The following CHI3L2 variants were observed in gnomAD, a reference collection of about 807,000 sequenced individuals.
The protein encoded by CHI3L2 is chitinase-3-like protein 2.
Under a neutral mutation model 47.3 loss-of-function variants are expected in CHI3L2, and 47 were observed. That is an observed-to-expected ratio of 0.99 (90% CI 0.79 to 1.27). CHI3L2 has a LOEUF of 1.27. Among genes scored for constraint, CHI3L2 ranks in the 50% most tolerant of loss-of-function variants. The pLI, the probability that CHI3L2 is intolerant of heterozygous loss-of-function variation, is 0.00. For synonymous variants in CHI3L2, 198 were observed against 169.9 expected (o/e 1.17, Z -1.28); for missense variants, 497 against 462.1 (o/e 1.08, Z -0.69).
At chr1:111,236,908 G>C (rs985981735) in intron 7 of CHI3L2, among the ~76,000 whole-genome samples, 4 of 152,146 alleles carry the variant, frequency 2.6e-5, no homozygotes, top group Non-Finnish European at 4.4e-5. Context: ...TGATTGGTCA[G>C]GTTGAAGATG....
chr1:111,238,977 G>T, intron 8 of CHI3L2, 45 bp downstream of exon 8: 1 of 1,511,914 alleles, frequency 6.6e-7, no homozygotes, highest in South Asian at 1.3e-5. Context: ...CCATGTCTGG[G>T]TAGATGTTCC....
chr1:111,228,997 C>T (rs1402694295), intron 1 of CHI3L2, among the ~76,000 whole-genome samples: 1 of 152,236 alleles, frequency 6.6e-6, no homozygotes, highest in Non-Finnish European at 1.5e-5. Flanking sequence ...GGCCAGCTCA[C>T]ACTGCTTATC....
chr1:111,236,875 G>A (rs2101552885), intron 7 of CHI3L2, among the ~76,000 whole-genome samples: 1 of 152,286 alleles, frequency 6.6e-6, no homozygotes, highest in Admixed American at 6.5e-5. Flanking sequence ...TTTTGTGGAT[G>A]GGGGACAGAA....
intron 2 of CHI3L2, among the ~76,000 whole-genome samples, chr1:111,230,187 T>C (rs1659673249): frequency 6.6e-6 from 1 of 152,168 alleles, no homozygotes; most frequent in African/African-American, 2.4e-5. Flanking sequence ...CATCCATACA[T>C]ACATACTGAA....
chr1:111,233,030 G>A (rs1247453812), intron 4 of CHI3L2, among the ~76,000 whole-genome samples: 1 of 152,158 alleles, frequency 6.6e-6, no homozygotes, highest in Non-Finnish European at 1.5e-5. Flanking sequence ...GGTGTGGGAG[G>A]TATTGTAAGA....
At chr1:111,235,110 T>G in intron 5 of CHI3L2, 53 bp downstream of exon 5, 1 of 1,576,280 alleles carries the variant, frequency 6.3e-7, no homozygotes, top group African/African-American at 1.3e-5. Context: ...GTGTACTCAG[T>G]ACTCTGATAT....
chr1:111,230,097 T>C (rs1659669824), intron 2 of CHI3L2, among the ~76,000 whole-genome samples: 2 of 152,186 alleles, frequency 1.3e-5, no homozygotes, highest in Middle Eastern at 3.4e-3. Context: ...CCCTCCCCCA[T>C]AGCTGGCCTC....
rs532427903 is a variant in CHI3L2 at position 111,241,375 on chromosome 1, C to A, written c.967C>A (p.Gln323Lys). ...GAKITRLQDQ[Q>K]VPYAVKGNQW... ...CAAGATCACGCGGCTCCAGGATCAG[C>A]AGGTTCCCTACGCAGTCAAGGGGAA... is the stretch of plus-strand genomic sequence containing the variant. Residue 323 changes from glutamine (Q) to lysine (K), a missense_variant, in exon 9 of 11, where the codon CAG (glutamine) becomes AAG (lysine). Physicochemically the swap from Gln to Lys is moderately conservative, Grantham distance 53. Transcript: ENST00000369748. 1.0e-4 allele frequency: 162 copies of A among 1,609,446 alleles called. No individual in the cohort carries two copies. The East Asian group carries it at 3.3e-3, about 33-fold the overall frequency.
chr1:111,241,628 G>C (rs998233404), intron 9 of CHI3L2, among the ~76,000 whole-genome samples, 185 bp downstream of exon 9: 11 of 152,154 alleles, frequency 7.2e-5, no homozygotes, highest in African/African-American at 2.4e-4. Context: ...CTGTGGTACA[G>C]GTAGAAGAGT....
At chr1:111,242,406 G>A (rs1328360842) in intron 10 of CHI3L2, 40 bp downstream of exon 10, 1 of 1,549,454 alleles carries the variant, frequency 6.5e-7, no homozygotes, top group Admixed American at 2.0e-5. Flanking sequence ...GCAGACAGCT[G>A]GGCAGAACAG....
Position 111,238,776 on chromosome 1 carries a change from TA to T in CHI3L2, c.764del (p.Lys255ArgfsTer57), listed in dbSNP as rs1557710881. The T allele has an allele frequency of 6.2e-7, 1 of 1,613,972 alleles. No homozygotes were observed. Among genetic ancestry groups the T allele is most frequent in the South Asian group, 1.1e-5 (1 of 91,048 alleles). On this transcript the variant is annotated frameshift_variant, in exon 8 of 11. Coordinates refer to ENST00000369748, the MANE Select transcript of CHI3L2 (RefSeq NM_004000.3). LOFTEE classifies it high-confidence loss of function. ...VEYAVGYWIH[K>X]GMPSEKVVMG... ...AATATGCTGTGGGGTACTGGATACATAAGGGAATGCCATCAGAGAAGGTGGT... is the reference window on the plus strand; with the variant it reads ...AATATGCTGTGGGGTACTGGATACATAGGGAATGCCATCAGAGAAGGTGGT...
chr1:111,236,941 G>A (rs951533252), intron 7 of CHI3L2, among the ~76,000 whole-genome samples: 1 of 152,192 alleles, frequency 6.6e-6, no homozygotes, highest in Admixed American at 6.5e-5. Context: ...TTCAAAGTGG[G>A]TTTTTCTCGC....
chr1:111,234,436 G>C (rs755196342), intron 4 of CHI3L2, among the ~76,000 whole-genome samples: 1 of 152,186 alleles, frequency 6.6e-6, no homozygotes, highest in Non-Finnish European at 1.5e-5. Flanking sequence ...GATTCAACAG[G>C]ATTCCTGCCA....
In CHI3L2 at chr1:111,236,142, T is replaced by C. The variant is rs1659881467; in HGVS notation, c.724T>C (p.Tyr242His). ...KGWQDRGPSS[Y>H]YNVEYAVGYW... ...GTGGCAGGACAGAGGGCCAAGCTCC[T>C]ACTACAATGTGGTGAGTAGGCCAGG... Residue 242 changes from tyrosine to histidine, a missense_variant, in exon 7 of 11, where the codon TAC becomes CAC. Physicochemically the swap from Tyr to His is moderately conservative, Grantham distance 83 (BLOSUM62 2). Transcript: ENST00000369748. The C allele has an allele frequency of 2.5e-6, 4 of 1,614,156 alleles. No homozygotes were observed. The highest frequency in any genetic ancestry group is 1.3e-5 in the African/African-American group (1 of 75,044).
chr1:111,237,678 A>C (rs899309478), intron 7 of CHI3L2, among the ~76,000 whole-genome samples: 1 of 152,182 alleles, frequency 6.6e-6, no homozygotes, highest in Non-Finnish European at 1.5e-5. Flanking sequence ...GGAAAGCCAA[A>C]ATCAGCCTCT....
chr1:111,230,781 C>G lies in CHI3L2; in HGVS notation c.110C>G (p.Ser37Cys), dbSNP rs1659692805. 6.2e-7 allele frequency: 1 copy of G among 1,614,142 alleles called. No individual in the cohort carries two copies. The highest frequency in any genetic ancestry group is 8.5e-7 in the Non-Finnish European group (1 of 1,180,010). ...YKLVCYFTNWSQDRQEPGKFT... is the reference protein window; with the variant it reads ...YKLVCYFTNWCQDRQEPGKFT... ...CTGGTTTGCTACTTTACCAACTGGT[C>G]CCAGGACCGGCAGGAACCAGGAAAA... The change falls in exon 3 of 11, where the codon TCC becomes TGC. Residue 37 changes from serine (S) to cysteine (C), a missense_variant. Physicochemically the swap from Ser to Cys is moderately radical, Grantham distance 112 (BLOSUM62 -1). Coordinates refer to ENST00000369748, the MANE Select transcript of CHI3L2 (RefSeq NM_004000.3).
Position 111,234,907 on chromosome 1 carries a change from G to T in CHI3L2, c.330G>T (p.Gly110=), listed in dbSNP as rs148892404. 1 of 1,613,440 alleles carries T rather than the reference G, an allele frequency of 6.2e-7. No individual in the cohort carries two copies. Among genetic ancestry groups the T allele is most frequent in the Non-Finnish European group, 8.5e-7 (1 of 1,179,644 alleles). Residue 110 remains glycine (G), a splice_region_variant and synonymous_variant, in exon 5 of 11, where the codon GGG becomes GGT. Transcript: ENST00000369748. Reference sequence around the variant, plus strand: ...AGACACTCGTATTGCTTCTTTCCAGGTTCCACCCTATGGTGGATTCTTCTA... The same window carrying T: ...AGACACTCGTATTGCTTCTTTCCAGTTTCCACCCTATGGTGGATTCTTCTA... ...SIGGYLFGSK[G]FHPMVDSSTS...
At chr1:111,242,854 C>T (rs577445295) in intron 10 of CHI3L2, among the ~76,000 whole-genome samples, 75 of 152,182 alleles carry the variant, frequency 4.9e-4, no homozygotes, top group Non-Finnish European at 9.1e-4. Context: ...ACGCCTTTAC[C>T]CAAGCCTCCC....
intron 4 of CHI3L2, 142 bp from the exon 5 acceptor site, chr1:111,234,765 C>A: frequency 1.3e-6 from 1 of 759,908 alleles, no homozygotes; most frequent in Non-Finnish European, 2.1e-6. Context: ...TCGTCTGTTC[C>A]AAAAGGGGAA....
Sources: allele counts gnomAD v4.1 joint callset (sites outside exome capture counted in the v4.1 genomes callset), GRCh38; gene constraint gnomAD v4.1.1; transcripts MANE v1.5; gene names NCBI Gene and HGNC (gene_info 2026-07-23, HGNC 2026-07-21).